NRXN3: variants seen among roughly 807,000 people sequenced by gnomAD.
NRXN3 encodes neurexin 3.
In NRXN3, 32 loss-of-function variants were observed where a neutral mutation model predicts 137.6. That is an observed-to-expected ratio of 0.23 (90% CI 0.18 to 0.31). NRXN3 has a LOEUF of 0.31. Among genes scored for constraint, NRXN3 ranks in the 10% least tolerant of loss-of-function variants. NRXN3 has a pLI of 1.00. For synonymous variants in NRXN3, 798 were observed against 784.5 expected (o/e 1.02, Z -0.29); for missense variants, 1,574 against 2,062.5 (o/e 0.76, Z 4.59).
chr14:79,061,848 A>G (rs1417330200), intron 15 of NRXN3, among the ~76,000 whole-genome samples: 1 of 152,078 alleles, frequency 6.6e-6, no homozygotes, highest in Non-Finnish European at 1.5e-5. Flanking sequence ...GGACTAACGC[A>G]GCATGCCTAA....
intron 4 of NRXN3, among the ~76,000 whole-genome samples, chr14:78,431,490 C>T (rs899054791): frequency 7.2e-5 from 11 of 152,068 alleles, no homozygotes; most frequent in African/African-American, 2.7e-4. Flanking sequence ...GACATTTTAG[C>T]TCAGTTTTGG....
In NRXN3 at chr14:78,620,089, G is replaced by A. The variant is rs553178035; in HGVS notation, c.758-25031G>A. Among the ~76,000 whole-genome samples the A allele has an allele frequency of 5.3e-5, 8 of 152,284 alleles. No homozygotes were observed. In the East Asian group the frequency reaches 1.5e-3, roughly 29 times the overall value. ...CCCAAACTGGCTAAGATACTGTCTT[G>A]TAGGTGAAACAGGGCTAGGAGTTAT... On this transcript the variant is annotated intron_variant, in intron 4 of 20. Transcript: ENST00000335750.
intron 2 of NRXN3, among the ~76,000 whole-genome samples, chr14:78,274,964 T>C (rs2073366621): frequency 6.6e-6 from 1 of 152,150 alleles, no homozygotes; most frequent in Admixed American, 6.5e-5. Flanking sequence ...TGTGAGCCAG[T>C]CCTCAGTTTT....
chr14:78,753,440 T>G (rs2098652677), intron 8 of NRXN3, among the ~76,000 whole-genome samples: 1 of 152,232 alleles, frequency 6.6e-6, no homozygotes, highest in Non-Finnish European at 1.5e-5. Flanking sequence ...TAAGCTGGTG[T>G]CACCTTTACA....
chr14:78,345,261 A>G (rs2082591880), intron 4 of NRXN3, among the ~76,000 whole-genome samples: 2 of 152,160 alleles, frequency 1.3e-5, no homozygotes. Context: ...GCTTTTACTA[A>G]GGGCACCCGG....
At chr14:79,526,672 A>G (rs888148262) in intron 16 of NRXN3, among the ~76,000 whole-genome samples, 1 of 152,210 alleles carries the variant, frequency 6.6e-6, no homozygotes, top group Middle Eastern at 3.2e-3. Flanking sequence ...TTGCAGACAC[A>G]GTATACCTGC....
chr14:79,614,935 G>A (rs142492031), intron 16 of NRXN3, among the ~76,000 whole-genome samples: 1 of 152,306 alleles, frequency 6.6e-6, no homozygotes, highest in East Asian at 1.9e-4. Flanking sequence ...AACAACAACA[G>A]CAAGTGGTCC....
chr14:79,172,181 A>G (rs1474902211), intron 15 of NRXN3, among the ~76,000 whole-genome samples: 1 of 116,318 alleles, frequency 8.6e-6, no homozygotes, highest in Non-Finnish European at 2.0e-5. Flanking sequence ...AAGAAACAAT[A>G]ACTTGCTAGG....
At chr14:78,710,616 C>T (rs985219478) in intron 7 of NRXN3, among the ~76,000 whole-genome samples, 2 of 152,180 alleles carry the variant, frequency 1.3e-5, no homozygotes, top group Admixed American at 6.5e-5. Context: ...TCCTGATGAA[C>T]ATTAAAAAGT....
intron 10 of NRXN3, among the ~76,000 whole-genome samples, chr14:78,953,620 A>T (rs1421022179): frequency 2.0e-5 from 3 of 152,226 alleles, no homozygotes; most frequent in Non-Finnish European, 4.4e-5. Context: ...GCATCCCAGA[A>T]ATCTTTTGCA....
At chr14:78,754,370 C>T (rs2098657930) in intron 8 of NRXN3, among the ~76,000 whole-genome samples, 1 of 152,340 alleles carries the variant, frequency 6.6e-6, no homozygotes. Flanking sequence ...GTTCTCCTCA[C>T]TCCCAGCCAC....
intron 20 of NRXN3, among the ~76,000 whole-genome samples, chr14:79,842,432 T>G (rs1382837833): frequency 6.6e-6 from 1 of 151,704 alleles, no homozygotes; most frequent in African/African-American, 2.4e-5. Flanking sequence ...AGCCAGAGAG[T>G]ATGGCCAGAG....
At chr14:79,389,094 A>G (rs1045715181) in intron 15 of NRXN3, among the ~76,000 whole-genome samples, 4 of 152,220 alleles carry the variant, frequency 2.6e-5, no homozygotes, top group Non-Finnish European at 5.9e-5. Flanking sequence ...CAGCATGAGA[A>G]CTGACTAATG....
chr14:78,634,690 T>C (rs1320961644), intron 4 of NRXN3, among the ~76,000 whole-genome samples: 1 of 152,200 alleles, frequency 6.6e-6, no homozygotes, highest in Non-Finnish European at 1.5e-5. Context: ...TCGAATACCT[T>C]CCTGGTTCCA....
chr14:79,803,977 ATGTG>A (rs1380601469), intron 19 of NRXN3, among the ~76,000 whole-genome samples: 1 of 143,622 alleles, frequency 7.0e-6, no homozygotes, highest in South Asian at 2.2e-4. Flanking sequence ...GTATGTATGT[ATGTG>A]TATATATATA....
intron 15 of NRXN3, among the ~76,000 whole-genome samples, chr14:79,361,000 A>G (rs1030609926): frequency 2.6e-5 from 4 of 152,224 alleles, no homozygotes; most frequent in Admixed American, 1.3e-4. Context: ...TCCTTTAAAT[A>G]TGAGTGAGGA....
intron 4 of NRXN3, among the ~76,000 whole-genome samples, chr14:78,301,432 G>A (rs996213931): frequency 2.6e-5 from 4 of 152,190 alleles, no homozygotes; most frequent in African/African-American, 4.8e-5. Flanking sequence ...GCCTTTCATC[G>A]CACCACACCT....
At chr14:78,699,390 G>A (rs750886981) in intron 6 of NRXN3, among the ~76,000 whole-genome samples, 8 of 152,196 alleles carry the variant, frequency 5.3e-5, no homozygotes, top group Non-Finnish European at 1.2e-4. Flanking sequence ...ACTAGATCAG[G>A]AAGAGGTTTT....
At chr14:78,297,958 G>T in intron 4 of NRXN3, 98 bp downstream of exon 4, 1 of 1,383,126 alleles carries the variant, frequency 7.2e-7, no homozygotes, top group Non-Finnish European at 9.9e-7. Context: ...CAGGCCATTC[G>T]CTGCCTGTCC....
Sources: allele counts gnomAD v4.1 joint callset (sites outside exome capture counted in the v4.1 genomes callset), GRCh38; gene constraint gnomAD v4.1.1; transcripts MANE v1.5; gene names NCBI Gene and HGNC (gene_info 2026-07-23, HGNC 2026-07-21).